ARL1: variants seen among roughly 807,000 people sequenced by gnomAD.
ARL1 encodes ARF like GTPase 1.
ARL1 carries 17 observed loss-of-function variants against 30.1 expected under a neutral mutation model. The ratio of observed to expected loss-of-function variants is 0.56; its 90% CI spans 0.39 to 0.85. ARL1 has a LOEUF of 0.85. Among genes scored for constraint, ARL1 ranks in the 40% least tolerant of loss-of-function variants. The pLI is 0.00. For missense variants in ARL1, 102 were observed against 212.6 expected, an observed-to-expected ratio of 0.48 and a Z score of 3.24; for synonymous variants, 58 against 71.7, an observed-to-expected ratio of 0.81 and a Z score of 0.97.
chr12:101,399,068 AT>A (rs1871229903), intron 4 of ARL1, among the ~76,000 whole-genome samples: 1 of 152,164 alleles, frequency 6.6e-6, no homozygotes, highest in Non-Finnish European at 1.5e-5. Flanking sequence ...TTATCCTTAC[AT>A]TTAAATTTGG....
At position 101,394,030 on chromosome 12, in the gene ARL1, T is replaced by C. The variant is rs899100695; in HGVS notation, c.*1610A>G. ...AAGTCTTTGCCCCTCAGGAGTAATA[T>C]TGGTTGTACTGGAACATTTGTAGCT... On this transcript the variant is annotated 3_prime_UTR_variant, in exon 6 of 6. Transcript: ENST00000261636. 2.7e-5 allele frequency: 4 copies of C among 150,736 alleles called. No homozygotes were observed. The highest frequency in any genetic ancestry group is 5.9e-5 in the Non-Finnish European group (4 of 67,870). The allele number at this position is 150,736 out of a possible 1,614,324, so 9.3% of individuals were successfully genotyped here.
Position 101,407,469 on chromosome 12 carries a change from G to A in ARL1, c.4+173C>T, listed in dbSNP as rs950926011. 3.7e-5 allele frequency: 30 copies of A among 808,038 alleles called. No individual in the cohort carries two copies. In the African/African-American group the frequency reaches 4.2e-4, roughly 11 times the overall value. 50.1% of individuals were successfully genotyped at this position (808,038 alleles called of 1,614,324 possible). A position where few individuals can be genotyped will look rare whatever the true frequency, so the allele number is the denominator to read the frequency against. ...GAGAGGACGGAGGAGAACGCGAGAG[G>A]CCGGATCCACCCCTACAGATGAAGA... On this transcript the variant is annotated intron_variant, in intron 1 of 5. Transcript: ENST00000261636.
At chr12:101,403,193 G>A (rs1475534460) in intron 2 of ARL1, 7 of 497,896 alleles carry the variant, frequency 1.4e-5, no homozygotes, top group Admixed American at 2.4e-5. Context: ...GCAGGTGTGT[G>A]CACAAAACAT....
chr12:101,407,176 G>A (rs1213697190), intron 1 of ARL1: 1 of 175,492 alleles, frequency 5.7e-6, no homozygotes, highest in Non-Finnish European at 1.2e-5. Flanking sequence ...CCTGCTCTCA[G>A]GTTTTTCAAA....
rs1055674671 is a variant in ARL1, at chr12:101,396,711, T to C, written c.337-134A>G. On this transcript the variant is annotated intron_variant, in intron 4 of 5. Coordinates refer to ENST00000261636, the MANE Select transcript of ARL1 (RefSeq NM_001177.6). Reference sequence around the variant, plus strand: ...ACATTATGAAATTATATAGAAATTATATAGAGAAGTATAAAGAAAAGAAGC... The same window carrying C: ...ACATTATGAAATTATATAGAAATTACATAGAGAAGTATAAAGAAAAGAAGC... The C allele has an allele frequency of 7.7e-6, 5 of 647,350 alleles. No individual in the cohort carries two copies. The Admixed American group carries it at 1.8e-4, about 23-fold the overall frequency. 40.1% of individuals were successfully genotyped at this position (647,350 alleles called of 1,614,324 possible).
At chr12:101,404,751 A>G (rs1241565314) in intron 2 of ARL1, among the ~76,000 whole-genome samples, 1 of 152,230 alleles carries the variant, frequency 6.6e-6, no homozygotes, top group African/African-American at 2.4e-5. Flanking sequence ...GCAACAAATG[A>G]AAAAAGTATA....
At chr12:101,400,776 C>T (rs926095741) in intron 4 of ARL1, among the ~76,000 whole-genome samples, 19 of 152,210 alleles carry the variant, frequency 1.2e-4, no homozygotes, top group African/African-American at 4.6e-4. Context: ...TTAAAAGTCA[C>T]ATCAAAGAAG....
At chr12:101,404,140 G>A (rs544876987) in intron 2 of ARL1, among the ~76,000 whole-genome samples, 37 of 152,222 alleles carry the variant, frequency 2.4e-4, no homozygotes, top group Admixed American at 5.9e-4. Flanking sequence ...AGTTCATGAT[G>A]TCTCCCTTAG....
intron 2 of ARL1, 134 bp downstream of exon 2, chr12:101,405,710 G>C: frequency 1.0e-6 from 1 of 990,562 alleles, no homozygotes; most frequent in Non-Finnish European, 1.4e-6. Context: ...GAGGCCAAGA[G>C]TCTAAGACCA....
In ARL1 at chr12:101,394,863, G is replaced by A. The variant is rs1871104191; in HGVS notation, c.*777C>T. 1 of 152,096 alleles carries A rather than the reference G, an allele frequency of 6.6e-6. No homozygotes were observed. Among genetic ancestry groups the A allele is most frequent in the Admixed American group, 6.6e-5 (1 of 15,254 alleles). 9.4% of individuals were successfully genotyped at this position (152,096 alleles called of 1,614,324 possible). A position where few individuals can be genotyped will look rare whatever the true frequency, so the allele number is the denominator to read the frequency against. On this transcript the variant is annotated 3_prime_UTR_variant, in exon 6 of 6. Transcript: ENST00000261636. ...AGTATAGTTTATGAGTCAAGCTTCT[G>A]AACCAAAAGTTTTACTTTGAGCCCT...
intron 4 of ARL1, among the ~76,000 whole-genome samples, chr12:101,397,794 G>A (rs1026958665): frequency 3.3e-5 from 5 of 151,986 alleles, no homozygotes; most frequent in Non-Finnish European, 5.9e-5. Context: ...AAGCCACCGC[G>A]CCCTGCTGAC....
chr12:101,399,920 TA>T (rs757883948), intron 4 of ARL1, among the ~76,000 whole-genome samples: 3 of 152,154 alleles, frequency 2.0e-5, no homozygotes, highest in South Asian at 4.1e-4. Context: ...TAAACAAATA[TA>T]TTTTTTTTTA....
intron 2 of ARL1, 60 bp downstream of exon 2, chr12:101,405,784 T>C: frequency 1.4e-6 from 2 of 1,463,176 alleles, no homozygotes; most frequent in Middle Eastern, 1.8e-4. Flanking sequence ...AAGAAAGAAA[T>C]AGTTATGTTG....
At position 101,395,624 on chromosome 12, in the gene ARL1, A is replaced by T; in HGVS notation, c.*16T>A. 1 of 1,575,406 alleles carries T rather than the reference A, an allele frequency of 6.3e-7. No homozygotes were observed. The highest frequency in any genetic ancestry group is 1.8e-5 in the Admixed American group (1 of 55,438). ...GGTGATGTAGTCTTCATTTCAGGGG[A>T]GAAGAATGGACTGAATTACTGTCTG... On this transcript the variant is annotated 3_prime_UTR_variant, in exon 6 of 6. Transcript: ENST00000261636.
intron 5 of ARL1, among the ~76,000 whole-genome samples, chr12:101,395,946 A>T (rs1192805022): frequency 6.6e-6 from 1 of 152,224 alleles, no homozygotes; most frequent in Non-Finnish European, 1.5e-5. Flanking sequence ...AACTAGTCTC[A>T]ATCCTCAAGG....
intron 1 of ARL1, 102 bp downstream of exon 1, chr12:101,407,540 G>C (rs2121132847): frequency 6.7e-7 from 1 of 1,493,274 alleles, no homozygotes; most frequent in Non-Finnish European, 9.1e-7. Flanking sequence ...TGAGGAGCTG[G>C]CTACTCTAGG....
At position 101,395,474 on chromosome 12, in the gene ARL1, C is replaced by A; in HGVS notation, c.*166G>T. The A allele has an allele frequency of 1.7e-6, 1 of 578,876 alleles. No individual in the cohort carries two copies. The allele number at this position is 578,876 out of a possible 1,614,324, so 35.9% of individuals were successfully genotyped here. ...TTCAGGTGATTCGATCAAATTATCC[C>A]TCCAACTAAATACTTATTTTCCCTA... On this transcript the variant is annotated 3_prime_UTR_variant, in exon 6 of 6. Coordinates refer to ENST00000261636, the MANE Select transcript of ARL1 (RefSeq NM_001177.6).
intron 1 of ARL1, 110 bp from the exon 2 acceptor site, chr12:101,406,091 T>A: frequency 2.3e-6 from 2 of 866,384 alleles, no homozygotes; most frequent in Non-Finnish European, 3.4e-6. Context: ...ATATTATAAT[T>A]TCCTGGATGC....
At position 101,394,405 on chromosome 12, in the gene ARL1, G is replaced by A. The variant is rs181662068; in HGVS notation, c.*1235C>T. 5.9e-5 allele frequency: 9 copies of A among 152,302 alleles called. No individual in the cohort carries two copies. The East Asian group carries it at 1.7e-3, about 29-fold the overall frequency. The allele number at this position is 152,302 out of a possible 1,614,324, so 9.4% of individuals were successfully genotyped here. The stretch of plus-strand genomic sequence containing the variant: ...CACTATATTTACTTCTGTCACATTA[G>A]CTGATTCTGTGGTGGACTGGGTAAT... On this transcript the variant is annotated 3_prime_UTR_variant, in exon 6 of 6. Coordinates refer to ENST00000261636, the MANE Select transcript of ARL1 (RefSeq NM_001177.6).
Sources: gnomAD v4.1 joint callset for allele counts (sites outside exome capture counted in the v4.1 genomes callset) on GRCh38, gnomAD v4.1.1 for gene constraint, MANE v1.5 for transcripts, NCBI Gene and HGNC (gene_info 2026-07-23, HGNC 2026-07-21) for gene names.